PUM2: variants seen among roughly 807,000 people sequenced by gnomAD.
PUM2 encodes pumilio homolog 2.
PUM2 carries 57 observed loss-of-function variants against 124.5 expected under a neutral mutation model. The ratio of observed to expected loss-of-function variants is 0.46; its 90% confidence interval spans 0.37 to 0.57. The LOEUF is 0.57. Ranked by LOEUF, PUM2 falls within the 20% of genes least tolerant of loss-of-function variation. PUM2 has a pLI of 0.00. For missense variants in PUM2, 1,065 were observed against 1,290.6 expected, an observed-to-expected ratio of 0.83 and a Z score of 2.68; for synonymous variants, 460 against 446.1, an observed-to-expected ratio of 1.03 and a Z score of -0.39.
intron 3 of PUM2, among the ~76,000 whole-genome samples, chr2:20,317,499 T>C (rs1015298896): frequency 2.0e-5 from 3 of 152,202 alleles, no homozygotes; most frequent in Admixed American, 1.3e-4. Flanking sequence ...TAAAAATTTC[T>C]ATGGTTAAAT....
At chr2:20,327,854 A>T (rs912067262) in intron 1 of PUM2, among the ~76,000 whole-genome samples, 1 of 152,150 alleles carries the variant, frequency 6.6e-6, no homozygotes, top group Non-Finnish European at 1.5e-5. Flanking sequence ...AAAGTAAGAA[A>T]GGGAATCCCA....
chr2:20,306,402 G>A (rs896013496), intron 7 of PUM2, among the ~76,000 whole-genome samples: 2 of 152,082 alleles, frequency 1.3e-5, no homozygotes, highest in African/African-American at 2.4e-5. Context: ...AGTAATAGAT[G>A]TATTAGCCTG....
intron 9 of PUM2, among the ~76,000 whole-genome samples, chr2:20,293,286 A>G (rs1674680729): frequency 6.6e-6 from 1 of 152,256 alleles, no homozygotes; most frequent in African/African-American, 2.4e-5. Flanking sequence ...ACAGGTGTGT[A>G]TATTTTAAGC....
chr2:20,313,135 A>G (rs910821309), intron 3 of PUM2, among the ~76,000 whole-genome samples: 3 of 152,242 alleles, frequency 2.0e-5, no homozygotes, highest in Non-Finnish European at 4.4e-5. Flanking sequence ...AGGCAATACC[A>G]TTCAGGACAT....
chr2:20,278,029 C>T (rs1055937895), intron 13 of PUM2, among the ~76,000 whole-genome samples: 2 of 152,084 alleles, frequency 1.3e-5, no homozygotes, highest in Non-Finnish European at 2.9e-5. Context: ...AGGGGTACAA[C>T]AAGCCTAAAA....
At chr2:20,346,631 T>C (rs1482955033) in intron 1 of PUM2, among the ~76,000 whole-genome samples, 1 of 152,360 alleles carries the variant, frequency 6.6e-6, no homozygotes, top group African/African-American at 2.4e-5. Flanking sequence ...AGATGGCTAC[T>C]ACAATAAGAT....
At chr2:20,331,152 G>A (rs184151301) in intron 1 of PUM2, among the ~76,000 whole-genome samples, 5 of 151,572 alleles carry the variant, frequency 3.3e-5, no homozygotes, top group Admixed American at 2.0e-4. Context: ...AACCACACGC[G>A]TTGTTTGGGA....
In PUM2 at chr2:20,263,480, G is replaced by C. The variant is rs748011892; in HGVS notation, c.1958-20C>G. The C allele has an allele frequency of 6.4e-7, 1 of 1,562,914 alleles. No individual in the cohort carries two copies. ...GTCCTCCTACAACAAAGCAGCTATG[G>C]TCAGCAAGTATTTTTGACAAAGTTA... On this transcript the variant is annotated intron_variant, in intron 13 of 20. Transcript: ENST00000361078.
chr2:20,349,140 T>C (rs902189210), intron 1 of PUM2, among the ~76,000 whole-genome samples: 1 of 152,186 alleles, frequency 6.6e-6, no homozygotes, highest in African/African-American at 2.4e-5. Context: ...TAAGAGAACT[T>C]TGGACTCAAA....
intron 9 of PUM2, among the ~76,000 whole-genome samples, chr2:20,292,581 C>A (rs1674444108): frequency 6.6e-6 from 1 of 151,862 alleles, no homozygotes; most frequent in Admixed American, 6.6e-5. Flanking sequence ...AGGCTGGTCT[C>A]TAACTCCTGA....
chr2:20,307,925 TC>T, intron 7 of PUM2, 52 bp downstream of exon 7: 1 of 1,583,676 alleles, frequency 6.3e-7, no homozygotes, highest in East Asian at 2.3e-5. Context: ...AAGTGAAACA[TC>T]CTAGACATTT....
intron 2 of PUM2, among the ~76,000 whole-genome samples, chr2:20,322,115 T>A (rs1012283846): frequency 2.6e-5 from 4 of 152,186 alleles, no homozygotes; most frequent in African/African-American, 9.6e-5. Flanking sequence ...GGATTTAAAA[T>A]GTAAATTGTT....
At chr2:20,333,580 C>A (rs1685367780) in intron 1 of PUM2, among the ~76,000 whole-genome samples, 1 of 151,970 alleles carries the variant, frequency 6.6e-6, no homozygotes, top group African/African-American at 2.4e-5. Flanking sequence ...TGTAAAGAAG[C>A]AAGAAAATGC....
intron 1 of PUM2, among the ~76,000 whole-genome samples, chr2:20,333,634 T>G (rs374618004): frequency 3.3e-5 from 5 of 152,318 alleles, no homozygotes; most frequent in East Asian, 1.9e-4. Flanking sequence ...TTGTTTTGGC[T>G]AGGCATGATG....
At chr2:20,255,976 T>C (rs758244913) in intron 17 of PUM2, 57 bp downstream of exon 17, 467 of 1,450,390 alleles carry the variant, frequency 3.2e-4, no homozygotes, top group Admixed American at 4.1e-4. Flanking sequence ...CGTGTTGATA[T>C]TCAAAATTCT....
intron 2 of PUM2, among the ~76,000 whole-genome samples, chr2:20,321,795 C>A (rs969029482): frequency 6.6e-6 from 1 of 151,892 alleles, no homozygotes; most frequent in Admixed American, 6.6e-5. Context: ...TATCCAATAC[C>A]ACTTCATATT....
At position 20,278,502 on chromosome 2, in the gene PUM2, T is replaced by C. The variant is rs1175933698; in HGVS notation, c.1957+81A>G. On this transcript the variant is annotated intron_variant, in intron 13 of 20. Transcript: ENST00000361078. Reference sequence around the variant, plus strand: ...GGCATGTTTTAACCAACATTAAATATTTTACATATATTATAAACACACACA... The same window carrying C: ...GGCATGTTTTAACCAACATTAAATACTTTACATATATTATAAACACACACA... The C allele has an allele frequency of 6.8e-6, 8 of 1,179,632 alleles. No homozygotes were observed. The East Asian group carries it at 1.0e-4, about 15-fold the overall frequency. The allele number at this position is 1,179,632 out of a possible 1,614,324, so 73.1% of individuals were successfully genotyped here.
intron 3 of PUM2, among the ~76,000 whole-genome samples, chr2:20,312,903 G>C (rs1201725984): frequency 6.6e-6 from 1 of 152,134 alleles, no homozygotes; most frequent in Non-Finnish European, 1.5e-5. Flanking sequence ...AGAGGCCTCA[G>C]AAATAACACA....
chr2:20,322,191 A>C (rs1682534907), intron 2 of PUM2, among the ~76,000 whole-genome samples: 1 of 152,286 alleles, frequency 6.6e-6, no homozygotes, highest in Non-Finnish European at 1.5e-5. Context: ...GCTATTAATA[A>C]TCATGCCATG....
Sources: gnomAD v4.1 joint callset for allele counts (sites outside exome capture counted in the v4.1 genomes callset) on GRCh38, gnomAD v4.1.1 for gene constraint, MANE v1.5 for transcripts, NCBI Gene and HGNC (gene_info 2026-07-23, HGNC 2026-07-21) for gene names.